The following DPYD variants were observed in gnomAD, a reference collection of about 807,000 sequenced individuals.
DPYD encodes dihydropyrimidine dehydrogenase [NADP(+)].
DPYD carries 109 observed loss-of-function variants against 116.2 expected under a neutral mutation model. That is an observed-to-expected ratio of 0.94 (90% CI 0.80 to 1.10). The LOEUF (loss-of-function observed/expected upper bound fraction) is 1.10, where lower values mean the gene tolerates loss of function less well. Ranked by LOEUF, DPYD falls within the 50% of genes least tolerant of loss-of-function variation. The pLI is 0.00. For missense variants in DPYD, 1,302 were observed against 1,254.5 expected, an observed-to-expected ratio of 1.04 and a Z score of -0.57; for synonymous variants, 440 against 432.0, an observed-to-expected ratio of 1.02 and a Z score of -0.23.
intron 11 of DPYD, among the ~76,000 whole-genome samples, chr1:97,568,835 T>C (rs968058882): frequency 1.3e-5 from 2 of 152,100 alleles, no homozygotes; most frequent in Admixed American, 1.3e-4. Context: ...GGCACACTAA[T>C]ATGTCAGTTG....
At chr1:97,591,212 C>T (rs767971054) in intron 10 of DPYD, among the ~76,000 whole-genome samples, 2 of 152,190 alleles carry the variant, frequency 1.3e-5, no homozygotes, top group African/African-American at 2.4e-5. Context: ...TTTAAAATGG[C>T]AAACCCTGCC....
chr1:97,368,440 G>A (rs1671152053), intron 16 of DPYD, among the ~76,000 whole-genome samples: 1 of 152,178 alleles, frequency 6.6e-6, no homozygotes, highest in Non-Finnish European at 1.5e-5. Flanking sequence ...TAGGTTTTCT[G>A]ATGGCAGGAA....
At chr1:97,540,107 A>C (rs190165452) in intron 12 of DPYD, among the ~76,000 whole-genome samples, 400 of 152,142 alleles carry the variant, frequency 2.6e-3, no homozygotes, top group African/African-American at 9.1e-3. Context: ...AATGTCTTCT[A>C]ATTCAGCTCA....
intron 3 of DPYD, among the ~76,000 whole-genome samples, chr1:97,771,143 C>G (rs997400166): frequency 6.6e-6 from 1 of 152,022 alleles, no homozygotes; most frequent in Non-Finnish European, 1.5e-5. Flanking sequence ...CATGGTGAAA[C>G]CCCGCCTCTA....
intron 3 of DPYD, among the ~76,000 whole-genome samples, chr1:97,744,258 A>G (rs1246975605): frequency 1.2e-4 from 19 of 152,062 alleles, no homozygotes; most frequent in Non-Finnish European, 2.8e-4. Context: ...TTGACTCCAT[A>G]GTATGACACC....
chr1:97,136,112 T>A (rs1390149891), intron 20 of DPYD, among the ~76,000 whole-genome samples: 1 of 152,224 alleles, frequency 6.6e-6, no homozygotes, highest in Non-Finnish European at 1.5e-5. Flanking sequence ...GTTGCCAGTC[T>A]GATGTTGTTT....
At chr1:97,797,101 T>C (rs1005496250) in intron 3 of DPYD, 2 of 152,162 alleles carry the variant, frequency 1.3e-5, no homozygotes, top group Non-Finnish European at 1.5e-5. Context: ...GTTTATATTT[T>C]ACAACAGAGT....
intron 5 of DPYD, among the ~76,000 whole-genome samples, chr1:97,703,969 G>T (rs1012897869): frequency 6.6e-6 from 1 of 151,878 alleles, no homozygotes; most frequent in Non-Finnish European, 1.5e-5. Context: ...GCACACTATT[G>T]CACCTCGGCA....
intron 4 of DPYD, among the ~76,000 whole-genome samples, chr1:97,739,091 C>T (rs958211333): frequency 4.0e-5 from 6 of 151,824 alleles, no homozygotes; most frequent in African/African-American, 1.2e-4. Flanking sequence ...ATATTTTTAG[C>T]GAAAATACTT....
At chr1:97,288,494 C>A in intron 18 of DPYD, among the ~76,000 whole-genome samples, 2 of 152,096 alleles carry the variant, frequency 1.3e-5, no homozygotes, top group Non-Finnish European at 2.9e-5. Flanking sequence ...GTCTCTCAGA[C>A]AACAGTGCAA....
In DPYD at chr1:97,078,315, T is replaced by G. The variant is rs1648926198; in HGVS notation, c.*661A>C. On this transcript the variant is annotated 3_prime_UTR_variant, in exon 23 of 23. Transcript: ENST00000370192. ...TGAGTTTGTACACCCATCTCACGCA[T>G]GAGTAGTGAATGGTATTTAGTTAGT... 2 of 158,316 alleles carry G rather than the reference T, an allele frequency of 1.3e-5. No individual in the cohort carries two copies. Among genetic ancestry groups the G allele is most frequent in the African/African-American group, 4.8e-5 (2 of 41,454 alleles). The allele number at this position is 158,316 out of a possible 1,614,324, so 9.8% of individuals were successfully genotyped here.
chr1:97,193,142 T>C lies in DPYD; in HGVS notation c.2549A>G (p.Asp850Gly), dbSNP rs765075551. The change falls in exon 20 of 23, where the codon GAT becomes GGT. Residue 850 changes from aspartate to glycine, a missense_variant. By Grantham distance (94) the Asp-to-Gly change is moderately conservative. Coordinates refer to ENST00000370192, the MANE Select transcript of DPYD (RefSeq NM_000110.4). ...LKSIEELQDW[D>G]GQSPATVSHQ... ...ACTCACAGTAGCTGGACTCTGTCCA[T>C]CCCAGTCTTGTAGTTCTTCAATGCT... 10 of 1,613,938 alleles carry C rather than the reference T, an allele frequency of 6.2e-6. No homozygotes were observed. The highest frequency in any genetic ancestry group is 4.5e-5 in the East Asian group (2 of 44,854).
intron 16 of DPYD, among the ~76,000 whole-genome samples, chr1:97,358,583 C>A (rs1051147198): frequency 6.6e-6 from 1 of 152,072 alleles, no homozygotes; most frequent in African/African-American, 2.4e-5. Flanking sequence ...AGGCAGCTGC[C>A]CCTCTGGGAC....
chr1:97,104,845 G>C (rs896293009), intron 20 of DPYD, among the ~76,000 whole-genome samples: 1 of 152,126 alleles, frequency 6.6e-6, no homozygotes, highest in African/African-American at 2.4e-5. Context: ...GATGAAGTCG[G>C]ATCATGAATT....
intron 3 of DPYD, among the ~76,000 whole-genome samples, chr1:97,757,251 G>C (rs71657277): frequency 0.012 from 1,850 of 152,278 alleles, 23 homozygotes; most frequent in Non-Finnish European, 0.021. Flanking sequence ...CTTAAATCAT[G>C]ATAGCACAGC....
chr1:97,432,008 G>A (rs1391187853), intron 14 of DPYD, among the ~76,000 whole-genome samples: 2 of 151,954 alleles, frequency 1.3e-5, no homozygotes, highest in Admixed American at 6.6e-5. Context: ...AATGTTCTCC[G>A]GTTCCATCTA....
intron 5 of DPYD, among the ~76,000 whole-genome samples, chr1:97,718,503 T>C (rs959215253): frequency 2.6e-5 from 4 of 152,008 alleles, no homozygotes; most frequent in Non-Finnish European, 5.9e-5. Context: ...GTCAATATCA[T>C]AATCCAGTAT....
At chr1:97,781,890 C>A (rs1666766818) in intron 3 of DPYD, among the ~76,000 whole-genome samples, 1 of 152,178 alleles carries the variant, frequency 6.6e-6, no homozygotes, top group Non-Finnish European at 1.5e-5. Flanking sequence ...CCACACCATG[C>A]ATGTCCACAG....
At chr1:97,214,141 G>C (rs74104315) in intron 19 of DPYD, among the ~76,000 whole-genome samples, 132 of 152,170 alleles carry the variant, frequency 8.7e-4, no homozygotes, top group African/African-American at 3.1e-3. Flanking sequence ...GCAAGCCTTG[G>C]GGGTACCAAT....
Sources: allele counts gnomAD v4.1 joint callset (sites outside exome capture counted in the v4.1 genomes callset), GRCh38; gene constraint gnomAD v4.1.1; transcripts MANE v1.5; gene names NCBI Gene and HGNC (gene_info 2026-07-23, HGNC 2026-07-21).